Variants in EPS15 observed in about 807,000 individuals in gnomAD.
EPS15 encodes the protein epidermal growth factor receptor pathway substrate 15.
Under a neutral mutation model 113.8 loss-of-function variants are expected in EPS15, and 72 were observed. The ratio of observed to expected loss-of-function variants is 0.63; its 90% CI spans 0.52 to 0.77. The LOEUF is 0.77. Among genes scored for constraint, EPS15 ranks in the 30% least tolerant of loss-of-function variants. EPS15 has a pLI of 0.00. For synonymous variants in EPS15, 344 were observed against 363.4 expected, an observed-to-expected ratio of 0.95 and a Z score of 0.61; for missense variants, 1,048 against 1,045.8, an observed-to-expected ratio of 1.00 and a Z score of -0.03.
At chr1:51,492,328 A>G (rs1644249418) in intron 1 of EPS15, among the ~76,000 whole-genome samples, 1 of 152,194 alleles carries the variant, frequency 6.6e-6, no homozygotes, top group Admixed American at 6.5e-5. Context: ...TCCATAACAA[A>G]ACATTACAAA....
chr1:51,366,111 A>C (rs2148351971), intron 21 of EPS15, 82 bp from the exon 22 acceptor site: 1 of 877,530 alleles, frequency 1.1e-6, no homozygotes, highest in Admixed American at 2.4e-5. Flanking sequence ...CTGTCCACCC[A>C]GCCTCAAGAG....
At chr1:51,470,311 T>TAA (rs1655142613) in intron 4 of EPS15, among the ~76,000 whole-genome samples, 1 of 152,130 alleles carries the variant, frequency 6.6e-6, no homozygotes, top group Non-Finnish European at 1.5e-5. Flanking sequence ...ACATGGAAAT[T>TAA]CATTAAGTAT....
chr1:51,506,969 C>A (rs1644509671), intron 1 of EPS15, among the ~76,000 whole-genome samples: 1 of 152,140 alleles, frequency 6.6e-6, no homozygotes, highest in Non-Finnish European at 1.5e-5. Flanking sequence ...TAAGTGAACT[C>A]TGACAAACTA....
intron 1 of EPS15, among the ~76,000 whole-genome samples, chr1:51,501,031 T>C (rs1383445836): frequency 6.6e-6 from 1 of 151,790 alleles, no homozygotes; most frequent in Non-Finnish European, 1.5e-5. Context: ...TCTGGGGTGT[T>C]TCCTCATATA....
chr1:51,504,093 TATAA>T (rs1557531960), intron 1 of EPS15, among the ~76,000 whole-genome samples: 1 of 152,054 alleles, frequency 6.6e-6, no homozygotes, highest in African/African-American at 2.4e-5. Context: ...GAAAAATATA[TATAA>T]ATTAGACTTT....
intron 4 of EPS15, among the ~76,000 whole-genome samples, chr1:51,469,524 CATG>C (rs764848024): frequency 9.0e-4 from 137 of 152,262 alleles, no homozygotes; most frequent in Middle Eastern, 6.8e-3. Context: ...GTGTCATAGA[CATG>C]ATAACAAAAG....
intron 1 of EPS15, among the ~76,000 whole-genome samples, chr1:51,492,369 T>C (rs564013932): frequency 2.6e-5 from 4 of 152,312 alleles, no homozygotes; most frequent in Admixed American, 2.6e-4. Context: ...CTAGGAATAC[T>C]GTAAATACAG....
chr1:51,358,700 TTTTTTTTTG>T (rs1195289580), intron 24 of EPS15, among the ~76,000 whole-genome samples: 3 of 144,866 alleles, frequency 2.1e-5, no homozygotes, highest in African/African-American at 7.9e-5. Flanking sequence ...ACCAGATTTG[TTTTTTTTTG>T]TTTTTTTTTT....
At chr1:51,435,286 C>T (rs1318986545) in intron 12 of EPS15, among the ~76,000 whole-genome samples, 1 of 151,980 alleles carries the variant, frequency 6.6e-6, no homozygotes, top group Non-Finnish European at 1.5e-5. Flanking sequence ...TTCTGCCACC[C>T]AGGTTCAAGC....
At chr1:51,443,790 C>T (rs971019623) in intron 11 of EPS15, among the ~76,000 whole-genome samples, 1 of 151,700 alleles carries the variant, frequency 6.6e-6, no homozygotes, top group African/African-American at 2.4e-5. Context: ...GTAGCTAGAA[C>T]TACAGGTACA....
intron 21 of EPS15, among the ~76,000 whole-genome samples, chr1:51,380,854 T>C (rs1466146118): frequency 1.3e-5 from 2 of 152,140 alleles, no homozygotes; most frequent in Admixed American, 1.3e-4. Context: ...AAAAAAGATA[T>C]TTCATGCAAA....
At chr1:51,370,953 T>C (rs891398259) in intron 21 of EPS15, among the ~76,000 whole-genome samples, 1 of 152,032 alleles carries the variant, frequency 6.6e-6, no homozygotes, top group Admixed American at 6.6e-5. Flanking sequence ...TCTTGCTCTG[T>C]TGCCCAGGCT....
chr1:51,452,167 G>A (rs966935513), intron 8 of EPS15, among the ~76,000 whole-genome samples: 2 of 151,918 alleles, frequency 1.3e-5, no homozygotes, highest in African/African-American at 2.4e-5. Context: ...TTACAGGTGT[G>A]AGCCACTGAG....
At chr1:51,451,490 C>CAAAAAAAAAAA (rs56091976) in intron 8 of EPS15, among the ~76,000 whole-genome samples, 3 of 50,800 alleles carry the variant, frequency 5.9e-5, no homozygotes, top group African/African-American at 1.6e-4. Context: ...GACTCCATCT[C>CAAAAAAAAAAA]AAAAAAAAAA....
chr1:51,368,616 A>C (rs1323257839), intron 21 of EPS15, among the ~76,000 whole-genome samples: 1 of 125,580 alleles, frequency 8.0e-6, no homozygotes, highest in Non-Finnish European at 1.6e-5. Flanking sequence ...TTTTTTTTGG[A>C]GATGGAGTCT....
In EPS15 at chr1:51,406,074, T is replaced by C. The variant is rs1214923361; in HGVS notation, c.1508A>G (p.Glu503Gly). The change falls in exon 16 of 25, where the codon GAA (glutamate) becomes GGA (glycine). Residue 503 changes from glutamate to glycine, a missense_variant. Transcript: ENST00000371733. ...QMKLMEMKDLENHNSQLNWCS... is the reference protein window; with the variant it reads ...QMKLMEMKDLGNHNSQLNWCS... ...CCAATTTAACTGACTATTATGATTT[T>C]CCAAATCTTTCATTTCCATCAGTTT... is the stretch of plus-strand genomic sequence containing the variant. 2 of 1,613,834 alleles carry C rather than the reference T, an allele frequency of 1.2e-6. No homozygotes were observed. Among genetic ancestry groups the C allele is most frequent in the African/African-American group, 2.7e-5 (2 of 74,936 alleles).
intron 2 of EPS15, 48 bp downstream of exon 2, chr1:51,481,225 A>G (rs1414884417): frequency 2.2e-6 from 2 of 916,328 alleles, no homozygotes. Context: ...AAGAGTTGAC[A>G]GTACATTTAA....
At chr1:51,513,295 T>A (rs181109154) in intron 1 of EPS15, among the ~76,000 whole-genome samples, 1 of 152,162 alleles carries the variant, frequency 6.6e-6, no homozygotes, top group Non-Finnish European at 1.5e-5. Flanking sequence ...TGTCCAGCAT[T>A]AGGTGGCCAG....
At chr1:51,518,589 AG>A (rs1191368787) in intron 1 of EPS15, 1 of 152,680 alleles carries the variant, frequency 6.5e-6, no homozygotes, top group Non-Finnish European at 1.5e-5. Context: ...GTAGTTGAGT[AG>A]GATGAGACTT....
Sources: allele counts gnomAD v4.1 joint callset (sites outside exome capture counted in the v4.1 genomes callset), GRCh38; gene constraint gnomAD v4.1.1; transcripts MANE v1.5; gene names NCBI Gene and HGNC (gene_info 2026-07-23, HGNC 2026-07-21).